Variants in TLN2 observed in about 807,000 individuals in gnomAD.
TLN2 encodes the protein talin 2, also known as talin-2.
TLN2 carries 118 observed loss-of-function variants against 294.7 expected under a neutral mutation model. That is an observed-to-expected ratio of 0.40 (90% confidence interval 0.34 to 0.47). TLN2 has a LOEUF of 0.47. TLN2 is among the 20% of genes least tolerant of loss of function. The probability of loss-of-function intolerance (pLI) is 0.84; values close to 1 mark genes in which losing one functional copy is unlikely to be tolerated. For missense variants in TLN2, 3,083 were observed against 3,282.2 expected (o/e 0.94, Z 1.48); for synonymous variants, 1,431 against 1,304.5 (o/e 1.10, Z -2.09).
intron 1 of TLN2, among the ~76,000 whole-genome samples, chr15:62,456,302 A>G (rs1238029550): frequency 6.6e-6 from 1 of 152,172 alleles, no homozygotes; most frequent in Non-Finnish European, 1.5e-5. Context: ...TAGCAATTTG[A>G]CAAAAGGTGA....
At chr15:62,405,435 CG>C (rs1213665846) in intron 1 of TLN2, among the ~76,000 whole-genome samples, 8 of 152,312 alleles carry the variant, frequency 5.3e-5, no homozygotes, top group Middle Eastern at 6.8e-3. Context: ...CTGACTGTGT[CG>C]CAGTTTGCTC....
Position 62,763,831 on chromosome 15 carries a change from C to T in TLN2, c.5094+136C>T, listed in dbSNP as rs2062825964. ...AGTTTCACCATTAGACAGCCATTCT[C>T]TGTGGAGCCAATCTGGGAACTTTTT... On this transcript the variant is annotated intron_variant, in intron 40 of 58. Coordinates refer to ENST00000636159, the MANE Select transcript of TLN2 (RefSeq NM_015059.3). 20 of 1,314,000 alleles carry T rather than the reference C, an allele frequency of 1.5e-5. No individual in the cohort carries two copies. The South Asian group carries it at 3.1e-4, about 20-fold the overall frequency. The allele number at this position is 1,314,000 out of a possible 1,614,324, so 81.4% of individuals were successfully genotyped here.
chr15:62,498,356 G>C (rs1021243413), intron 1 of TLN2, among the ~76,000 whole-genome samples: 14 of 152,128 alleles, frequency 9.2e-5, no homozygotes, highest in Admixed American at 7.9e-4. Context: ...TTTAGTATTC[G>C]ATCCTTGAGT....
intron 1 of TLN2, among the ~76,000 whole-genome samples, chr15:62,449,273 A>G (rs1197079220): frequency 6.6e-6 from 1 of 152,096 alleles, no homozygotes; most frequent in South Asian, 2.1e-4. Flanking sequence ...GTAGGTCTTG[A>G]AAAGTCTTCT....
Position 62,711,987 on chromosome 15 carries a change from A to C in TLN2, c.2544A>C (p.Glu848Asp). The change falls in exon 22 of 59, where the codon GAA (glutamate) becomes GAC (aspartate). Residue 848 changes from glutamate to aspartate, a missense_variant. Physicochemically the swap from Glu to Asp is conservative, Grantham distance 45 (BLOSUM62 2). Transcript: ENST00000636159. ...TCAATGCCATGAGGTCAGATGCAGA[A>C]GCCGAAATCGACATGGAGAATTCAA... ...DLVNAMRSDA[E>D]AEIDMENSKK... 1 of 1,614,222 alleles carries C rather than the reference A, an allele frequency of 6.2e-7. No homozygotes were observed. The highest frequency in any genetic ancestry group is 8.5e-7 in the Non-Finnish European group (1 of 1,180,034).
At chr15:62,443,635 A>G (rs2035665620) in intron 1 of TLN2, among the ~76,000 whole-genome samples, 1 of 152,200 alleles carries the variant, frequency 6.6e-6, no homozygotes, top group Non-Finnish European at 1.5e-5. Flanking sequence ...GGGTATGGAC[A>G]TTCCTCCCTC....
At chr15:62,836,203 C>A in intron 57 of TLN2, 130 bp downstream of exon 57, 1 of 1,292,614 alleles carries the variant, frequency 7.7e-7, no homozygotes. Context: ...CACGTTCCAG[C>A]CTCATCTACT....
At chr15:62,806,497 T>C (rs2141162293) in intron 51 of TLN2, among the ~76,000 whole-genome samples, 1 of 152,322 alleles carries the variant, frequency 6.6e-6, no homozygotes, top group African/African-American at 2.4e-5. Flanking sequence ...GGAGAGGTGT[T>C]GCCATCCCTG....
rs528783031 is a variant in TLN2, at chr15:62,712,168, G to A, written c.2634+91G>A. 3.4e-6 allele frequency: 5 copies of A among 1,490,670 alleles called. No individual in the cohort carries two copies. In the Admixed American group the frequency reaches 9.6e-5, roughly 29 times the overall value. The allele number at this position is 1,490,670 out of a possible 1,614,324, so 92.3% of individuals were successfully genotyped here. Reference sequence around the variant, plus strand: ...TTCCAGATGGGGCATGGTCATCCGAGTGTGCATTTTTGTTTGCTTAAAACC... The same window carrying A: ...TTCCAGATGGGGCATGGTCATCCGAATGTGCATTTTTGTTTGCTTAAAACC... On this transcript the variant is annotated intron_variant, in intron 22 of 58. Coordinates refer to ENST00000636159, the MANE Select transcript of TLN2 (RefSeq NM_015059.3).
At chr15:62,758,468 T>G (rs953686116) in intron 37 of TLN2, 3 of 152,252 alleles carry the variant, frequency 2.0e-5, no homozygotes, top group South Asian at 2.1e-4. Flanking sequence ...GAATGTTATT[T>G]TAAATGTGCA....
At chr15:62,531,501 G>A (rs2041041400) in intron 1 of TLN2, among the ~76,000 whole-genome samples, 1 of 152,158 alleles carries the variant, frequency 6.6e-6, no homozygotes, top group African/African-American at 2.4e-5. Context: ...GTGTGGTGAA[G>A]TGAATATAGT....
chr15:62,709,147 T>A (rs954904134), intron 21 of TLN2, among the ~76,000 whole-genome samples: 1 of 152,134 alleles, frequency 6.6e-6, no homozygotes, highest in Non-Finnish European at 1.5e-5. Flanking sequence ...TTAAGAAGTT[T>A]ATTATACTTG....
At chr15:62,640,512 G>A in intron 3 of TLN2, 3 of 373,048 alleles carry the variant, frequency 8.0e-6, no homozygotes, top group Middle Eastern at 9.9e-4. Context: ...CCCCCATTGT[G>A]CCCCCCTAAG....
intron 32 of TLN2, among the ~76,000 whole-genome samples, chr15:62,742,889 G>T (rs1237933196): frequency 6.6e-6 from 1 of 152,176 alleles, no homozygotes; most frequent in Non-Finnish European, 1.5e-5. Flanking sequence ...CTCCTCTTGG[G>T]ACACAAAGCT....
intron 1 of TLN2, among the ~76,000 whole-genome samples, chr15:62,578,287 T>C (rs1475035122): frequency 6.6e-6 from 1 of 152,108 alleles, no homozygotes; most frequent in Non-Finnish European, 1.5e-5. Context: ...TTTAATACCA[T>C]TGTGCATGGT....
chr15:62,533,954 A>G (rs921129712), intron 1 of TLN2, among the ~76,000 whole-genome samples: 24 of 152,144 alleles, frequency 1.6e-4, no homozygotes, highest in Non-Finnish European at 3.1e-4. Context: ...CCATTGTCTT[A>G]ATTAACAAGA....
rs1219079553 is a variant in TLN2, at chr15:62,450,511, G to GTGTATGTA, written c.-238+59858_-238+59865dup. Among the ~76,000 whole-genome samples the GTGTATGTA allele has an allele frequency of 3.5e-3, 510 of 145,598 alleles. 4 individuals are homozygous for GTGTATGTA. The highest frequency in any genetic ancestry group is 0.013 in the African/African-American group (477 of 38,030). ...CCTACATCATTAAGTGGCCCCCATC[G>GTGTATGTA]TGTATGTATGTATGTATGTATGTAT... is the stretch of plus-strand genomic sequence containing the variant. On this transcript the variant is annotated intron_variant, in intron 1 of 58. Coordinates refer to ENST00000636159, the MANE Select transcript of TLN2 (RefSeq NM_015059.3).
At chr15:62,645,029 A>C in intron 3 of TLN2, 1 of 160,638 alleles carries the variant, frequency 6.2e-6, no homozygotes, top group Non-Finnish European at 1.4e-5. Context: ...TTCCTCACTG[A>C]CTCTTACCAC....
chr15:62,643,405 A>ATTTTTTTT (rs571288380), intron 3 of TLN2, among the ~76,000 whole-genome samples: 8 of 90,744 alleles, frequency 8.8e-5, no homozygotes, highest in Admixed American at 3.5e-4. Context: ...TGGTTCCAGG[A>ATTTTTTTT]TTTTTTTTTT....
Sources: gnomAD v4.1 joint callset for allele counts (sites outside exome capture counted in the v4.1 genomes callset) on GRCh38, gnomAD v4.1.1 for gene constraint, MANE v1.5 for transcripts, NCBI Gene and HGNC (gene_info 2026-07-23, HGNC 2026-07-21) for gene names.